Variants in ARAP2 observed in about 807,000 individuals in gnomAD.
The protein encoded by ARAP2 is arf-GAP with Rho-GAP domain, ANK repeat and PH domain-containing protein 2.
ARAP2 carries 148 observed loss-of-function variants against 194.5 expected under a neutral mutation model. That is an observed-to-expected ratio of 0.76 (90% CI 0.67 to 0.87). ARAP2 has a LOEUF of 0.87. Ranked by LOEUF, ARAP2 falls within the 40% of genes least tolerant of loss-of-function variation. The pLI is 0.00. For missense variants in ARAP2, 2,128 were observed against 1,989.7 expected, an observed-to-expected ratio of 1.07 and a Z score of -1.32; for synonymous variants, 695 against 683.5, an observed-to-expected ratio of 1.02 and a Z score of -0.26.
At chr4:36,146,284 A>C (rs1398954357) in intron 19 of ARAP2, among the ~76,000 whole-genome samples, 1 of 151,998 alleles carries the variant, frequency 6.6e-6, no homozygotes, top group Non-Finnish European at 1.5e-5. Flanking sequence ...TTTGTCCCCC[A>C]GAAGCTTATT....
In ARAP2 at chr4:36,059,479, G is replaced by A. The variant is rs188421480; in HGVS notation, n.148-1336C>T. Among the ~76,000 whole-genome samples the A allele has an allele frequency of 9.2e-5, 14 of 152,212 alleles. 1 individual carries two copies. The highest frequency in any genetic ancestry group is 3.9e-4 in the East Asian group (2 of 5,190). On this transcript the variant is annotated intron_variant and non_coding_transcript_variant, in intron 1 of 12. Coordinates refer to the ARAP2 transcript ENST00000503225. ...CTTAATATCTCTGCACCTGAGTCCC[G>A]GACAAGGAAAGGCTGAGGAGCAAGT... is the stretch of plus-strand genomic sequence containing the variant.
At chr4:36,036,143 A>C (rs1470499091) in intron 5 of ARAP2, among the ~76,000 whole-genome samples, 1 of 152,122 alleles carries the variant, frequency 6.6e-6, no homozygotes, top group East Asian at 1.9e-4. Flanking sequence ...GAAATGGTAG[A>C]ATCAGGTTGT....
chr4:36,160,949 C>G (rs1207318382), intron 12 of ARAP2, among the ~76,000 whole-genome samples: 1 of 152,006 alleles, frequency 6.6e-6, no homozygotes, highest in African/African-American at 2.4e-5. Context: ...TTTAAATGGC[C>G]GAGTAGGTGG....
In ARAP2 at chr4:36,187,546, G is replaced by C. The variant is rs775741785; in HGVS notation, c.1583C>G (p.Pro528Arg). ...TCGTACTGTTGATATAGCAGAAAGGGGAATTATTCCTTTCGAATACATCTC... is the reference window on the plus strand; with the variant it reads ...TCGTACTGTTGATATAGCAGAAAGGCGAATTATTCCTTTCGAATACATCTC... ...EKEMYSKGII[P>R]LSAISTVRVQ... is the part of the protein sequence containing the mutation. Residue 528 changes from proline (P) to arginine (R), a missense_variant, in exon 8 of 33, where the codon CCC (proline) becomes CGC (arginine). By Grantham distance (103) the Pro-to-Arg change is moderately radical. Coordinates refer to ENST00000303965, the MANE Select transcript of ARAP2 (RefSeq NM_015230.4). 6.4e-7 allele frequency: 1 copy of C among 1,558,554 alleles called. No homozygotes were observed. The highest frequency in any genetic ancestry group is 8.6e-7 in the Non-Finnish European group (1 of 1,157,850).
At chr4:36,165,177 C>A in intron 10 of ARAP2, 64 bp from the exon 11 acceptor site, 1 of 1,492,100 alleles carries the variant, frequency 6.7e-7, no homozygotes, top group South Asian at 1.2e-5. Flanking sequence ...GCAGTATGTT[C>A]AGTTTGCATA....
chr4:36,209,616 G>A (rs1746297413), intron 6 of ARAP2, among the ~76,000 whole-genome samples: 1 of 152,116 alleles, frequency 6.6e-6, no homozygotes, highest in Non-Finnish European at 1.5e-5. Flanking sequence ...GAGAATAGGA[G>A]TGAAAACCAG....
At chr4:36,152,208 C>A (rs574281682) in intron 15 of ARAP2, among the ~76,000 whole-genome samples, 2 of 152,056 alleles carry the variant, frequency 1.3e-5, no homozygotes, top group Non-Finnish European at 2.9e-5. Context: ...ATAGCATAAA[C>A]GAATCCTTTA....
chr4:36,173,170 A>T (rs958044275), intron 9 of ARAP2, among the ~76,000 whole-genome samples: 5 of 151,894 alleles, frequency 3.3e-5, no homozygotes, highest in South Asian at 2.1e-4. Flanking sequence ...ACATGATATT[A>T]AAAAAAAGTA....
At chr4:36,100,260 G>C (rs910117951) in intron 27 of ARAP2, among the ~76,000 whole-genome samples, 1 of 152,022 alleles carries the variant, frequency 6.6e-6, no homozygotes, top group African/African-American at 2.4e-5. Flanking sequence ...CAGTAACTAT[G>C]AACTATTGTT....
intron 3 of ARAP2, among the ~76,000 whole-genome samples, chr4:36,048,350 A>T (rs1181152031): frequency 6.6e-6 from 1 of 151,734 alleles, no homozygotes; most frequent in African/African-American, 2.4e-5. Flanking sequence ...GTAGTTTTTC[A>T]ATATTTGCCT....
intron 27 of ARAP2, among the ~76,000 whole-genome samples, chr4:36,099,113 C>G (rs957039719): frequency 6.6e-6 from 1 of 151,210 alleles, no homozygotes; most frequent in Non-Finnish European, 1.5e-5. Context: ...TCCATATGTT[C>G]TCATCATTCG....
At chr4:36,073,389 A>C (rs1470616462) in intron 32 of ARAP2, among the ~76,000 whole-genome samples, 1 of 152,124 alleles carries the variant, frequency 6.6e-6, no homozygotes, top group East Asian at 1.9e-4. Flanking sequence ...AGCTTGTAAA[A>C]CGAATTTGAA....
At chr4:36,210,086 A>G (rs575036947) in intron 6 of ARAP2, among the ~76,000 whole-genome samples, 263 of 152,232 alleles carry the variant, frequency 1.7e-3, no homozygotes, top group Non-Finnish European at 2.8e-3. Flanking sequence ...ACATACTGGG[A>G]CACAGATTAG....
intron 5 of ARAP2, among the ~76,000 whole-genome samples, chr4:36,039,251 C>CA (rs1720433019): frequency 6.6e-6 from 1 of 152,078 alleles, no homozygotes; most frequent in Admixed American, 6.5e-5. Context: ...CAAACAAAGG[C>CA]AAAAAATAAA....
chr4:36,120,522 A>G (rs1722427131), intron 23 of ARAP2, among the ~76,000 whole-genome samples: 1 of 151,610 alleles, frequency 6.6e-6, no homozygotes, highest in Non-Finnish European at 1.5e-5. Context: ...AAAAGGTTAA[A>G]TGACAAAATT....
At chr4:36,158,040 T>C (rs1011507495) in intron 15 of ARAP2, among the ~76,000 whole-genome samples, 2 of 152,208 alleles carry the variant, frequency 1.3e-5, no homozygotes, top group African/African-American at 4.8e-5. Context: ...GACTGCATTA[T>C]ATTTTCCTGC....
At chr4:36,099,191 A>T (rs1716175049) in intron 27 of ARAP2, among the ~76,000 whole-genome samples, 1 of 152,094 alleles carries the variant, frequency 6.6e-6, no homozygotes. Flanking sequence ...GCCGAGGATA[A>T]CAACTTCCAG....
intron 19 of ARAP2, among the ~76,000 whole-genome samples, chr4:36,143,277 G>A (rs2109677196): frequency 6.6e-6 from 1 of 151,478 alleles, no homozygotes; most frequent in East Asian, 1.9e-4. Context: ...GGAATTCTAT[G>A]GACACGTTTT....
chr4:36,054,400 T>C (rs769069328), intron 2 of ARAP2, among the ~76,000 whole-genome samples: 8 of 152,230 alleles, frequency 5.3e-5, no homozygotes, highest in Non-Finnish European at 1.0e-4. Context: ...AATTGGTAAG[T>C]AGAGAGACCT....
Sources: allele counts gnomAD v4.1 joint callset (sites outside exome capture counted in the v4.1 genomes callset), GRCh38; gene constraint gnomAD v4.1.1; transcripts MANE v1.5; gene names NCBI Gene and HGNC (gene_info 2026-07-23, HGNC 2026-07-21).